Variants in SUGCT observed in about 807,000 individuals in gnomAD.
SUGCT encodes succinyl-CoA:glutarate-CoA transferase.
Under a neutral mutation model 55.0 loss-of-function variants are expected in SUGCT, and 41 were observed. That is an observed-to-expected ratio of 0.74 (90% CI 0.58 to 0.97). The LOEUF (loss-of-function observed/expected upper bound fraction) is 0.97, where lower values mean the gene tolerates loss of function less well. Ranked by LOEUF, SUGCT falls within the 50% of genes least tolerant of loss-of-function variation. The pLI, the probability that SUGCT is intolerant of heterozygous loss-of-function variation, is 0.00. For synonymous variants in SUGCT, 187 were observed against 200.4 expected, an observed-to-expected ratio of 0.93 and a Z score of 0.56; for missense variants, 568 against 547.8, an observed-to-expected ratio of 1.04 and a Z score of -0.37.
At chr7:40,373,719 AT>A (rs1784410776) in intron 9 of SUGCT, among the ~76,000 whole-genome samples, 1 of 152,110 alleles carries the variant, frequency 6.6e-6, no homozygotes, top group Non-Finnish European at 1.5e-5. Flanking sequence ...CTTATGTATG[AT>A]TGACTAATTA....
intron 12 of SUGCT, among the ~76,000 whole-genome samples, chr7:40,671,022 A>G (rs1801912891): frequency 6.6e-6 from 1 of 152,218 alleles, no homozygotes; most frequent in African/African-American, 2.4e-5. Context: ...GAATTTGGCA[A>G]TATATAAAAA....
the SUGCT span, among the ~76,000 whole-genome samples, chr7:40,905,255 G>C: frequency 2.6e-5 from 4 of 152,262 alleles, no homozygotes; most frequent in African/African-American, 9.6e-5. Context: ...TTGGTTGTGA[G>C]AAGACGATTC....
At chr7:40,942,077 T>C in the SUGCT span, among the ~76,000 whole-genome samples, 1 of 152,138 alleles carries the variant, frequency 6.6e-6, no homozygotes, top group Non-Finnish European at 1.5e-5. Flanking sequence ...AATATTGAGA[T>C]ATAAAGTACT....
intron 8 of SUGCT, among the ~76,000 whole-genome samples, chr7:40,297,110 T>C (rs889141232): frequency 6.6e-6 from 1 of 152,186 alleles, no homozygotes; most frequent in Non-Finnish European, 1.5e-5. Flanking sequence ...GACTATATTA[T>C]TATTACCACT....
chr7:40,142,891 A>G (rs1788059036), intron 1 of SUGCT, among the ~76,000 whole-genome samples: 1 of 152,222 alleles, frequency 6.6e-6, no homozygotes, highest in Non-Finnish European at 1.5e-5. Flanking sequence ...AGTATAGTTA[A>G]TAAATTGCTG....
intron 7 of SUGCT, among the ~76,000 whole-genome samples, chr7:40,245,470 C>T (rs1160909440): frequency 2.5e-4 from 20 of 81,116 alleles, no homozygotes; most frequent in African/African-American, 4.9e-4. Flanking sequence ...GATGGAGTCT[C>T]GCTCTGTCAC....
chr7:40,795,607 G>A (rs890888152), intron 13 of SUGCT, among the ~76,000 whole-genome samples: 7 of 152,000 alleles, frequency 4.6e-5, no homozygotes, highest in African/African-American at 9.7e-5. Context: ...AATCCGCATC[G>A]ACACAGAGAT....
At chr7:40,399,453 T>C (rs1484118267) in intron 9 of SUGCT, among the ~76,000 whole-genome samples, 1 of 152,294 alleles carries the variant, frequency 6.6e-6, no homozygotes, top group South Asian at 2.1e-4. Flanking sequence ...ATAGAACTAC[T>C]CTCAAACCAG....
the SUGCT span, among the ~76,000 whole-genome samples, chr7:40,976,342 G>A: frequency 6.6e-6 from 1 of 152,112 alleles, no homozygotes. Flanking sequence ...ATGACTTTGG[G>A]CAAACTATTC....
chr7:40,505,923 T>C (rs1792565870), intron 12 of SUGCT, among the ~76,000 whole-genome samples: 3 of 152,202 alleles, frequency 2.0e-5, no homozygotes, highest in Non-Finnish European at 4.4e-5. Flanking sequence ...CTCACAATGA[T>C]TGTGTAATTA....
rs1196668658 is a variant in SUGCT, at chr7:40,337,507, T to C, written c.816+20652T>C. 3.3e-5 allele frequency among the ~76,000 whole-genome samples: 5 copies of C among 152,262 alleles called. No individual in the cohort carries two copies. In the South Asian group the frequency reaches 8.3e-4, roughly 25 times the overall value. On this transcript the variant is annotated intron_variant, in intron 9 of 13. Transcript: ENST00000335693. ...GATCCCTTTACAATTATGTAATGGC[T>C]TTCTTTGTCTCTTTTGATCTTTGTT...
At chr7:40,702,010 C>T (rs771040038) in intron 12 of SUGCT, among the ~76,000 whole-genome samples, 11 of 152,184 alleles carry the variant, frequency 7.2e-5, no homozygotes, top group Non-Finnish European at 1.2e-4. Context: ...CAGATTACTG[C>T]GCAATCCACC....
rs1187882510 is a variant in SUGCT at position 40,590,858 on chromosome 7, A to T, written c.1089+94472A>T. Among the ~76,000 whole-genome samples, 6 of 152,334 alleles carry T rather than the reference A, an allele frequency of 3.9e-5. 1 individual carries two copies. In the East Asian group the frequency reaches 5.8e-4, roughly 15 times the overall value. The stretch of plus-strand genomic sequence containing the variant: ...CCTGGATTACACTGCGTCTGTTTAC[A>T]GCATGGTTTACTGAATATTTTAAGA... On this transcript the variant is annotated intron_variant, in intron 12 of 13. Coordinates refer to ENST00000335693, the MANE Select transcript of SUGCT (RefSeq NM_001193313.2).
At chr7:40,200,314 T>C (rs749206795) in intron 6 of SUGCT, among the ~76,000 whole-genome samples, 10 of 152,122 alleles carry the variant, frequency 6.6e-5, no homozygotes, top group Non-Finnish European at 1.3e-4. Context: ...AGTTAAAACA[T>C]ATAATAAATA....
chr7:40,172,853 T>A (rs1172233966), intron 1 of SUGCT, among the ~76,000 whole-genome samples: 1 of 152,180 alleles, frequency 6.6e-6, no homozygotes, highest in African/African-American at 2.4e-5. Flanking sequence ...CACCTGAGTG[T>A]TAAGTCCAGC....
At chr7:40,159,152 T>C (rs1190165523) in intron 1 of SUGCT, among the ~76,000 whole-genome samples, 1 of 152,214 alleles carries the variant, frequency 6.6e-6, no homozygotes, top group Non-Finnish European at 1.5e-5. Flanking sequence ...ATTCCTGTGC[T>C]CAAGTGATCC....
the SUGCT span, among the ~76,000 whole-genome samples, chr7:41,035,997 C>G: frequency 6.6e-6 from 1 of 152,228 alleles, no homozygotes; most frequent in Non-Finnish European, 1.5e-5. Flanking sequence ...TGTCTCACAT[C>G]CTGTTCAACA....
At chr7:40,378,714 C>G (rs1054950808) in intron 9 of SUGCT, among the ~76,000 whole-genome samples, 7 of 152,248 alleles carry the variant, frequency 4.6e-5, no homozygotes, top group African/African-American at 1.7e-4. Context: ...CTCAGGTGAT[C>G]TGCCTGCCTT....
At chr7:40,763,941 G>A (rs937151075) in intron 13 of SUGCT, among the ~76,000 whole-genome samples, 4 of 152,114 alleles carry the variant, frequency 2.6e-5, no homozygotes, top group Non-Finnish European at 4.4e-5. Flanking sequence ...TTCGGCTTGC[G>A]TGTTTATATG....
Sources: gnomAD v4.1 joint callset for allele counts (sites outside exome capture counted in the v4.1 genomes callset) on GRCh38, gnomAD v4.1.1 for gene constraint, MANE v1.5 for transcripts, NCBI Gene and HGNC (gene_info 2026-07-23, HGNC 2026-07-21) for gene names.